The following ADAMTS6 variants were observed in gnomAD, a reference collection of about 807,000 sequenced individuals.
ADAMTS6 encodes the protein ADAM metallopeptidase with thrombospondin type 1 motif 6, also known as A disintegrin and metalloproteinase with thrombospondin motifs 6.
In ADAMTS6, 23 loss-of-function variants were observed where a neutral mutation model predicts 144.3. The ratio of observed to expected loss-of-function variants is 0.16; its 90% CI spans 0.11 to 0.23. ADAMTS6 has a LOEUF of 0.23. Ranked by LOEUF, ADAMTS6 falls within the 10% of genes least tolerant of loss-of-function variation. The pLI, the probability that ADAMTS6 is intolerant of heterozygous loss-of-function variation, is 1.00. For synonymous variants in ADAMTS6, 444 were observed against 457.5 expected, an observed-to-expected ratio of 0.97 and a Z score of 0.38; for missense variants, 999 against 1,379.6, an observed-to-expected ratio of 0.72 and a Z score of 4.37.
intron 7 of ADAMTS6, among the ~76,000 whole-genome samples, chr5:65,380,235 A>T (rs190394674): frequency 1.9e-3 from 283 of 152,226 alleles, no homozygotes; most frequent in Middle Eastern, 0.014. Flanking sequence ...ATATCAGTAC[A>T]TACGGAATTA....
chr5:65,412,207 T>C (rs998795432), intron 7 of ADAMTS6, among the ~76,000 whole-genome samples: 2 of 152,152 alleles, frequency 1.3e-5, no homozygotes, highest in African/African-American at 4.8e-5. Flanking sequence ...TGGAAGAATA[T>C]ACATTTTTAA....
intron 24 of ADAMTS6, among the ~76,000 whole-genome samples, chr5:65,158,868 C>A (rs1752583184): frequency 6.6e-6 from 1 of 152,198 alleles, no homozygotes; most frequent in Non-Finnish European, 1.5e-5. Flanking sequence ...AACCCTGCTT[C>A]TGATTTCCTT....
intron 12 of ADAMTS6, among the ~76,000 whole-genome samples, chr5:65,271,316 T>G (rs1202717810): frequency 1.3e-5 from 2 of 148,476 alleles, no homozygotes; most frequent in Non-Finnish European, 3.0e-5. Context: ...GAGGTGAAGG[T>G]TGCAGTGAGC....
intron 20 of ADAMTS6, among the ~76,000 whole-genome samples, chr5:65,212,653 G>A (rs543445808): frequency 1.3e-5 from 2 of 151,860 alleles, no homozygotes; most frequent in African/African-American, 4.8e-5. Flanking sequence ...TAGGATTGAA[G>A]GAACATTAAG....
At chr5:65,371,176 CAG>C (rs1188567173) in intron 7 of ADAMTS6, among the ~76,000 whole-genome samples, 1 of 152,182 alleles carries the variant, frequency 6.6e-6, no homozygotes, top group Admixed American at 6.5e-5. Context: ...GGGAAAAAAA[CAG>C]AGCAGAAAAA....
rs368646553 is a variant in ADAMTS6, at chr5:65,470,693, T to TA, written c.462+84_462+85insT. ...CTTAAACTACCTATATATATATATA[T>TA]TTTTTTTTTAATCTGAGGAAAGACA... On this transcript the variant is annotated intron_variant, in intron 3 of 24. Transcript: ENST00000381055. 3.0e-3 allele frequency: 1,953 copies of TA among 661,184 alleles called. 8 individuals are homozygous for TA. Among genetic ancestry groups the TA allele is most frequent in the African/African-American group, 0.012 (209 of 17,670 alleles). 41.0% of individuals were successfully genotyped at this position (661,184 alleles called of 1,614,324 possible).
At chr5:65,177,520 A>G (rs539528401) in intron 22 of ADAMTS6, among the ~76,000 whole-genome samples, 1 of 152,212 alleles carries the variant, frequency 6.6e-6, no homozygotes, top group South Asian at 2.1e-4. Context: ...TTTGATAAAG[A>G]CCCTAGTGTC....
chr5:65,260,792 T>G, intron 13 of ADAMTS6, 129 bp from the exon 14 acceptor site: 1 of 605,480 alleles, frequency 1.7e-6, no homozygotes. Flanking sequence ...GTTTTAATTA[T>G]TAAAGTAATC....
At position 65,398,840 on chromosome 5, in the gene ADAMTS6, GAA is replaced by G. The variant is rs762842456; in HGVS notation, c.1073+52633_1073+52634del. 8.3e-4 allele frequency among the ~76,000 whole-genome samples: 101 copies of G among 121,386 alleles called. 1 individual carries two copies. The highest frequency in any genetic ancestry group is 4.2e-3 in the Middle Eastern group (1 of 238). The allele number at this position is 121,386 out of a possible 152,430, so 79.6% of individuals were successfully genotyped here. A position where few individuals can be genotyped will look rare whatever the true frequency, so the allele number is the denominator to read the frequency against. ...AGAAAGAAAGAAAGAAAGAAAGAAA[GAA>G]AGAAAGAAAAAGAAAGAGAAAGAAA... On this transcript the variant is annotated intron_variant, in intron 7 of 24. Coordinates refer to ENST00000381055, the MANE Select transcript of ADAMTS6 (RefSeq NM_197941.4).
intron 10 of ADAMTS6, among the ~76,000 whole-genome samples, 190 bp downstream of exon 10, chr5:65,299,795 A>C (rs372519750): frequency 9.3e-5 from 13 of 140,106 alleles, no homozygotes; most frequent in African/African-American, 3.5e-4. Context: ...CACTTCCTCT[A>C]TTCTATAAAT....
intron 7 of ADAMTS6, among the ~76,000 whole-genome samples, chr5:65,450,459 C>T (rs961289780): frequency 8.6e-5 from 13 of 151,960 alleles, no homozygotes; most frequent in Non-Finnish European, 1.6e-4. Flanking sequence ...ATGAACATAC[C>T]ACAGATGAAA....
At chr5:65,372,847 A>G (rs1751100398) in intron 7 of ADAMTS6, among the ~76,000 whole-genome samples, 1 of 152,164 alleles carries the variant, frequency 6.6e-6, no homozygotes, top group South Asian at 2.1e-4. Flanking sequence ...AATTGACCAC[A>G]TAGTTGGAAG....
At chr5:65,358,340 A>G (rs1011225672) in intron 7 of ADAMTS6, among the ~76,000 whole-genome samples, 1 of 152,020 alleles carries the variant, frequency 6.6e-6, no homozygotes. Flanking sequence ...ATCCTATATG[A>G]CAAGCCCACA....
chr5:65,187,970 G>C, intron 22 of ADAMTS6, 46 bp downstream of exon 22: 1 of 1,590,516 alleles, frequency 6.3e-7, no homozygotes, highest in Non-Finnish European at 8.6e-7. Context: ...AGGATAGATA[G>C]TTAGGACATT....
At chr5:65,215,893 C>T (rs1436184008) in intron 18 of ADAMTS6, among the ~76,000 whole-genome samples, 2 of 151,748 alleles carry the variant, frequency 1.3e-5, no homozygotes, top group East Asian at 1.9e-4. Flanking sequence ...CGACAGAACA[C>T]GAATCAAAGA....
chr5:65,256,799 T>C (rs1015229087), intron 14 of ADAMTS6, among the ~76,000 whole-genome samples: 5 of 151,924 alleles, frequency 3.3e-5, no homozygotes, highest in Admixed American at 2.6e-4. Flanking sequence ...GAGAGGTGGG[T>C]TTGATTTTTT....
chr5:65,212,476 T>C (rs1414233672), intron 20 of ADAMTS6, among the ~76,000 whole-genome samples: 2 of 151,164 alleles, frequency 1.3e-5, no homozygotes, highest in African/African-American at 4.9e-5. Flanking sequence ...CACTTCTATT[T>C]CTCAATGCAA....
At chr5:65,171,370 TCTA>T (rs1375361840) in intron 23 of ADAMTS6, among the ~76,000 whole-genome samples, 1 of 152,190 alleles carries the variant, frequency 6.6e-6, no homozygotes, top group Non-Finnish European at 1.5e-5. Context: ...ATTAGGTCAT[TCTA>T]CTATCAAACT....
chr5:65,383,983 C>T (rs1369007468), intron 7 of ADAMTS6, among the ~76,000 whole-genome samples: 1 of 152,194 alleles, frequency 6.6e-6, no homozygotes, highest in Non-Finnish European at 1.5e-5. Flanking sequence ...ACAACTAAAT[C>T]TGTGAAGGAG....
Sources: gnomAD v4.1 joint callset for allele counts (sites outside exome capture counted in the v4.1 genomes callset) on GRCh38, gnomAD v4.1.1 for gene constraint, MANE v1.5 for transcripts, NCBI Gene and HGNC (gene_info 2026-07-23, HGNC 2026-07-21) for gene names.